Variants in POLQ observed in about 807,000 individuals in gnomAD.
POLQ encodes DNA polymerase theta.
Under a neutral mutation model 259.2 loss-of-function variants are expected in POLQ, and 233 were observed. That is an observed-to-expected ratio of 0.90 (90% CI 0.81 to 1.00). The LOEUF (loss-of-function observed/expected upper bound fraction) is 1.00, where lower values mean the gene tolerates loss of function less well. Among genes scored for constraint, POLQ ranks in the 50% least tolerant of loss-of-function variants. POLQ has a pLI of 0.00. For missense variants in POLQ, 2,871 were observed against 3,051.6 expected (o/e 0.94, Z 1.39); for synonymous variants, 1,025 against 1,048.8 (o/e 0.98, Z 0.44).
intron 15 of POLQ, among the ~76,000 whole-genome samples, chr3:121,493,210 G>A (rs942028910): frequency 5.3e-5 from 8 of 151,860 alleles, no homozygotes; most frequent in Non-Finnish European, 1.2e-4. Flanking sequence ...GCTGAGGCAG[G>A]AGAATCGCTT....
At chr3:121,511,590 C>T (rs2048255736) in intron 10 of POLQ, among the ~76,000 whole-genome samples, 1 of 151,942 alleles carries the variant, frequency 6.6e-6, no homozygotes, top group Non-Finnish European at 1.5e-5. Context: ...CCAGCCTGGC[C>T]AAAATGGTGA....
At chr3:121,470,440 G>A (rs1360926148) in intron 22 of POLQ, among the ~76,000 whole-genome samples, 1 of 152,110 alleles carries the variant, frequency 6.6e-6, no homozygotes, top group African/African-American at 2.4e-5. Flanking sequence ...AAGGGATAAA[G>A]CAAGCAGAGA....
intron 10 of POLQ, among the ~76,000 whole-genome samples, chr3:121,511,070 A>C (rs937756396): frequency 2.0e-5 from 3 of 152,078 alleles, no homozygotes; most frequent in Admixed American, 6.6e-5. Context: ...TACTGAAAAT[A>C]CAAAAATAAG....
chr3:121,537,509 T>C (rs2048459285), intron 4 of POLQ, among the ~76,000 whole-genome samples: 1 of 152,196 alleles, frequency 6.6e-6, no homozygotes, highest in African/African-American at 2.4e-5. Flanking sequence ...CCATGAGTAC[T>C]CAAAGGTTAA....
chr3:121,455,642 G>C (rs552632794), intron 25 of POLQ, among the ~76,000 whole-genome samples: 49 of 152,246 alleles, frequency 3.2e-4, no homozygotes, highest in African/African-American at 1.2e-3. Context: ...AGAAAAAATG[G>C]ATAAATTCCA....
intron 9 of POLQ, among the ~76,000 whole-genome samples, chr3:121,514,402 GA>G (rs781003033): frequency 9.3e-4 from 132 of 142,202 alleles, no homozygotes; most frequent in Middle Eastern, 3.8e-3. Flanking sequence ...GAATAAGTCT[GA>G]AACTTATGCA....
At position 121,467,503 on chromosome 3, in the gene POLQ, C is replaced by A; in HGVS notation, c.6967+16G>T. On this transcript the variant is annotated intron_variant, in intron 24 of 29. Transcript: ENST00000264233. ...CTCACAGCAATGAGAAGCTTCAAAGCTATCAGCCACCTTACCTGGGAAAGG... is the reference window on the plus strand; with the variant it reads ...CTCACAGCAATGAGAAGCTTCAAAGATATCAGCCACCTTACCTGGGAAAGG... The A allele has an allele frequency of 6.2e-7, 1 of 1,612,388 alleles. No individual in the cohort carries two copies. The highest frequency in any genetic ancestry group is 1.3e-5 in the African/African-American group (1 of 74,954).
intron 22 of POLQ, among the ~76,000 whole-genome samples, chr3:121,470,069 C>T (rs1337973919): frequency 1.3e-5 from 2 of 152,002 alleles, no homozygotes; most frequent in African/African-American, 2.4e-5. Context: ...CTTTGGGAGG[C>T]TGAGGTGGGT....
chr3:121,448,934 C>T (rs971061631), intron 26 of POLQ, among the ~76,000 whole-genome samples: 1 of 152,146 alleles, frequency 6.6e-6, no homozygotes, highest in African/African-American at 2.4e-5. Context: ...TCTATAACAG[C>T]AATTGTTCTC....
Position 121,466,691 on chromosome 3 carries a change from G to GA in POLQ, c.6967+827dup, listed in dbSNP as rs202168653. 4.1e-3 allele frequency among the ~76,000 whole-genome samples: 520 copies of GA among 127,616 alleles called. 1 individual carries two copies. Among genetic ancestry groups the GA allele is most frequent in the Non-Finnish European group, 4.0e-3 (235 of 59,012 alleles). The allele number at this position is 127,616 out of a possible 152,430, so 83.7% of individuals were successfully genotyped here. A position where few individuals can be genotyped will look rare whatever the true frequency, so the allele number is the denominator to read the frequency against. On this transcript the variant is annotated intron_variant, in intron 24 of 29. Transcript: ENST00000264233. ...GGCAACAAGAGGGAAACTCCATCTCGAAAAAAAAAAAAAAAATTACCATAC... is the reference window on the plus strand; with the variant it reads ...GGCAACAAGAGGGAAACTCCATCTCGAAAAAAAAAAAAAAAAATTACCATAC...
chr3:121,498,179 A>C (rs1030319471), intron 13 of POLQ, among the ~76,000 whole-genome samples: 1 of 152,058 alleles, frequency 6.6e-6, no homozygotes, highest in Non-Finnish European at 1.5e-5. Context: ...GCATGGTGGC[A>C]CATGCCTGTA....
At chr3:121,545,677 GC>G (rs1381001757) in intron 1 of POLQ, 37 bp downstream of exon 1, 7 of 1,516,826 alleles carry the variant, frequency 4.6e-6, no homozygotes, top group Non-Finnish European at 2.6e-6. Context: ...CGGCGGAGCT[GC>G]CCCCGTTGCC....
At chr3:121,451,180 G>A (rs1445153627) in intron 25 of POLQ, among the ~76,000 whole-genome samples, 1 of 152,130 alleles carries the variant, frequency 6.6e-6, no homozygotes, top group Non-Finnish European at 1.5e-5. Flanking sequence ...ATTCTAGTTA[G>A]CCATTCGTCT....
chr3:121,530,597 G>T (rs2048404213), intron 6 of POLQ, among the ~76,000 whole-genome samples: 1 of 152,144 alleles, frequency 6.6e-6, no homozygotes, highest in Non-Finnish European at 1.5e-5. Context: ...AAACAATTTA[G>T]CTGAGATGTG....
Position 121,537,222 on chromosome 3 carries a change from C to A in POLQ, c.632-14G>T. Reference sequence around the variant, plus strand: ...CAACCACCATTCCTAAAAAGATTTTCCAGATACTAGGTTTTTACAGAATGT... The same window carrying A: ...CAACCACCATTCCTAAAAAGATTTTACAGATACTAGGTTTTTACAGAATGT... On this transcript the variant is annotated splice_polypyrimidine_tract_variant and intron_variant, in intron 4 of 29. Coordinates refer to ENST00000264233, the MANE Select transcript of POLQ (RefSeq NM_199420.4). The A allele has an allele frequency of 1.4e-6, 2 of 1,415,090 alleles. No homozygotes were observed. The highest frequency in any genetic ancestry group is 1.0e-6 in the Non-Finnish European group (1 of 1,000,762). 87.7% of individuals were successfully genotyped at this position (1,415,090 alleles called of 1,614,324 possible).
chr3:121,516,909 G>A (rs2048302080), intron 9 of POLQ, among the ~76,000 whole-genome samples: 2 of 152,190 alleles, frequency 1.3e-5, no homozygotes, highest in Admixed American at 1.3e-4. Flanking sequence ...AAGCTTGGAA[G>A]TCTTTAAGAC....
intron 9 of POLQ, among the ~76,000 whole-genome samples, chr3:121,515,921 T>A (rs1649355364): frequency 6.6e-6 from 1 of 151,806 alleles, no homozygotes; most frequent in South Asian, 2.1e-4. Context: ...GGATAAAAAA[T>A]TAAATAAAAT....
At position 121,490,257 on chromosome 3, in the gene POLQ, C is replaced by T. The variant is rs747810536; in HGVS notation, c.2674G>A (p.Val892Ile). Residue 892 changes from valine (V) to isoleucine (I), a missense_variant, in exon 16 of 30, where the codon GTT (valine) becomes ATT (isoleucine). This residue lies in a region of POLQ where 2,080 missense variants were observed against 2,126.0 expected (regional missense o/e 0.98). Coordinates refer to ENST00000264233, the MANE Select transcript of POLQ (RefSeq NM_199420.4). ...EARMILQQDL[V>I]EMGVQWNPCA... The stretch of plus-strand genomic sequence containing the variant: ...GGATTCCATTGCACTCCCATTTCAA[C>T]TAAGTCCTGCTGCAGAATCATTCTG... The T allele has an allele frequency of 6.2e-7, 1 of 1,614,204 alleles. No individual in the cohort carries two copies. Among genetic ancestry groups the T allele is most frequent in the Non-Finnish European group, 8.5e-7 (1 of 1,180,012 alleles).
Position 121,432,030 on chromosome 3 carries a change from A to T in POLQ, c.*274T>A. 1 of 332,134 alleles carries T rather than the reference A, an allele frequency of 3.0e-6. No individual in the cohort carries two copies. The highest frequency in any genetic ancestry group is 5.3e-5 in the East Asian group (1 of 18,748). The allele number at this position is 332,134 out of a possible 1,614,324, so 20.6% of individuals were successfully genotyped here. A position where few individuals can be genotyped will look rare whatever the true frequency, so the allele number is the denominator to read the frequency against. ...AAGCATCTGTTCTGAATATGTTTAAAGCCACAGTAAGTTACAAAAGGCAAA... is the reference window on the plus strand; with the variant it reads ...AAGCATCTGTTCTGAATATGTTTAATGCCACAGTAAGTTACAAAAGGCAAA... On this transcript the variant is annotated 3_prime_UTR_variant, in exon 30 of 30. Coordinates refer to ENST00000264233, the MANE Select transcript of POLQ (RefSeq NM_199420.4).
Sources: gnomAD v4.1 joint callset for allele counts (sites outside exome capture counted in the v4.1 genomes callset) on GRCh38, gnomAD v4.1.1 for gene constraint, gnomAD v4.1.1 regional missense constraint, MANE v1.5 for transcripts, NCBI Gene and HGNC (gene_info 2026-07-23, HGNC 2026-07-21) for gene names.